LOC128092252: variants seen among roughly 807,000 people sequenced by gnomAD.
the LOC128092252 span, among the ~76,000 whole-genome samples, chr15:50,656,411 C>T: frequency 2.0e-5 from 3 of 151,980 alleles, no homozygotes; most frequent in South Asian, 2.1e-4. Flanking sequence ...ACGATCCTCC[C>T]GGCTCCAATG....
At chr15:50,682,131 T>TCGCGCCAC in the LOC128092252 span, among the ~76,000 whole-genome samples, 1 of 126,176 alleles carries the variant, frequency 7.9e-6, no homozygotes, top group Non-Finnish European at 1.6e-5. Flanking sequence ...TGAGCCGACA[T>TCGCGCCAC]CGCGCCACCG....
chr15:50,666,561 T>C, the LOC128092252 span, among the ~76,000 whole-genome samples: 4 of 151,924 alleles, frequency 2.6e-5, no homozygotes, highest in African/African-American at 9.7e-5. Flanking sequence ...CCCAGCACTT[T>C]GGGAGGCTGA....
chr15:50,677,342 C>T, the LOC128092252 span, among the ~76,000 whole-genome samples: 1 of 152,058 alleles, frequency 6.6e-6, no homozygotes, highest in Non-Finnish European at 1.5e-5. Context: ...TACCATCACA[C>T]TGGAGGTTAG....
the LOC128092252 span, among the ~76,000 whole-genome samples, chr15:50,664,266 C>T: frequency 6.0e-4 from 87 of 145,188 alleles, 1 homozygote; most frequent in East Asian, 0.016. Context: ...GCCGAGATCG[C>T]GCCACTGCAC....
chr15:50,683,759 G>C, the LOC128092252 span, among the ~76,000 whole-genome samples: 2 of 151,968 alleles, frequency 1.3e-5, no homozygotes, highest in African/African-American at 4.8e-5. Context: ...AAAAAAACAA[G>C]TGCAAGACTC....
At chr15:50,667,568 A>C in the LOC128092252 span, among the ~76,000 whole-genome samples, 1 of 152,242 alleles carries the variant, frequency 6.6e-6, no homozygotes, top group East Asian at 1.9e-4. Context: ...TTAGCTGGGA[A>C]TGGTGCCTTG....
chr15:50,671,964 GTAA>G, the LOC128092252 span, among the ~76,000 whole-genome samples: 1 of 148,684 alleles, frequency 6.7e-6, no homozygotes, highest in Non-Finnish European at 1.5e-5. Context: ...ATAATACTTT[GTAA>G]TAATAAATGA....
At chr15:50,679,389 A>G in the LOC128092252 span, among the ~76,000 whole-genome samples, 1 of 148,520 alleles carries the variant, frequency 6.7e-6, no homozygotes, top group East Asian at 1.9e-4. Flanking sequence ...CGAGTAAGCC[A>G]TATCAACCCA....
At chr15:50,680,705 T>C in the LOC128092252 span, among the ~76,000 whole-genome samples, 8 of 152,214 alleles carry the variant, frequency 5.3e-5, no homozygotes, top group Admixed American at 2.0e-4. Flanking sequence ...AGCAAACTTT[T>C]TAAGTTATAA....
chr15:50,676,283 A>T, the LOC128092252 span, among the ~76,000 whole-genome samples: 1 of 152,220 alleles, frequency 6.6e-6, no homozygotes, highest in Non-Finnish European at 1.5e-5. Context: ...TCTGCTGTTA[A>T]GGTAACATGT....
the LOC128092252 span, chr15:50,663,097 G>A: frequency 2.2e-6 from 3 of 1,367,436 alleles, no homozygotes; most frequent in Non-Finnish European, 2.1e-6. Flanking sequence ...CACTAAATAA[G>A]AAGGAAACAA....
At chr15:50,675,436 G>C in the LOC128092252 span, among the ~76,000 whole-genome samples, 1 of 151,456 alleles carries the variant, frequency 6.6e-6, no homozygotes, top group African/African-American at 2.4e-5. Flanking sequence ...TTCTGTTTAT[G>C]TAACAGCCAA....
chr15:50,681,152 G>T, the LOC128092252 span, among the ~76,000 whole-genome samples: 3 of 152,220 alleles, frequency 2.0e-5, no homozygotes, highest in African/African-American at 7.2e-5. Flanking sequence ...TCAGGAGGCT[G>T]AGGCAGGAGA....
the LOC128092252 span, among the ~76,000 whole-genome samples, chr15:50,679,532 ATATATATTTT>A: frequency 2.4e-4 from 8 of 33,376 alleles, no homozygotes; most frequent in Non-Finnish European, 3.3e-4. Flanking sequence ...ATATATATAT[ATATATATTTT>A]TTTTTTTTTT....
the LOC128092252 span, among the ~76,000 whole-genome samples, chr15:50,680,569 CAA>C: frequency 3.8e-5 from 4 of 106,600 alleles, no homozygotes; most frequent in Admixed American, 1.0e-4. Context: ...ACACTTGTCT[CAA>C]AAAAAAAAAA....
chr15:50,676,822 T>A, the LOC128092252 span, among the ~76,000 whole-genome samples: 2 of 152,146 alleles, frequency 1.3e-5, no homozygotes, highest in African/African-American at 4.8e-5. Context: ...TGGAAAGTGA[T>A]GGGAAAGTTT....
At chr15:50,657,947 T>C in the LOC128092252 span, 38 of 607,248 alleles carry the variant, frequency 6.3e-5, no homozygotes, top group African/African-American at 5.6e-4. Context: ...GTAGATATTA[T>C]AGTTCACGTA....
the LOC128092252 span, among the ~76,000 whole-genome samples, chr15:50,670,812 A>AG: frequency 8.0e-6 from 1 of 124,332 alleles, no homozygotes; most frequent in Non-Finnish European, 1.9e-5. Flanking sequence ...AAGAAAAAGA[A>AG]AAAAAAAAAA....
At chr15:50,665,331 T>C in the LOC128092252 span, among the ~76,000 whole-genome samples, 399 of 151,326 alleles carry the variant, frequency 2.6e-3, 1 homozygote, top group African/African-American at 9.3e-3. Flanking sequence ...GAGGCAGAGA[T>C]TGCAGTGAGC....
Sources: gnomAD v4.1 joint callset for allele counts (sites outside exome capture counted in the v4.1 genomes callset) on GRCh38, gnomAD v4.1.1 for gene constraint, MANE v1.5 for transcripts.